Variants in TOX observed in about 807,000 individuals in gnomAD.
TOX encodes the protein thymocyte selection associated high mobility group box.
TOX carries 11 observed loss-of-function variants against 53.7 expected under a neutral mutation model. That is an observed-to-expected ratio of 0.20 (90% confidence interval 0.13 to 0.34). The LOEUF is 0.34. Ranked by LOEUF, TOX falls within the 10% of genes least tolerant of loss-of-function variation. The pLI, the probability that TOX is intolerant of heterozygous loss-of-function variation, is 1.00. For synonymous variants in TOX, 225 were observed against 245.3 expected (o/e 0.92, Z 0.77); for missense variants, 570 against 664.6 (o/e 0.86, Z 1.56).
chr8:59,059,837 A>T (rs964420990), intron 1 of TOX, among the ~76,000 whole-genome samples: 15 of 152,156 alleles, frequency 9.9e-5, no homozygotes, highest in African/African-American at 3.6e-4. Context: ...AGTAGTGAAC[A>T]TCTAGAAAAT....
rs7818606 is a variant in TOX at position 58,998,618 on chromosome 8, A to G, written c.103-38610T>C. On this transcript the variant is annotated intron_variant, in intron 1 of 8. Coordinates refer to ENST00000361421, the MANE Select transcript of TOX (RefSeq NM_014729.3). Reference sequence around the variant, plus strand: ...TAATAAATTTATGTAATAAATTTATATAATAATATATTTTATATATATAAT... The same window carrying G: ...TAATAAATTTATGTAATAAATTTATGTAATAATATATTTTATATATATAAT... 1.6e-3 allele frequency among the ~76,000 whole-genome samples: 194 copies of G among 121,238 alleles called. 2 individuals are homozygous for G. Among genetic ancestry groups the G allele is most frequent in the South Asian group, 4.3e-3 (15 of 3,468 alleles). The allele number at this position is 121,238 out of a possible 152,430, so 79.5% of individuals were successfully genotyped here.
intron 6 of TOX, among the ~76,000 whole-genome samples, chr8:58,816,163 C>T (rs959289869): frequency 6.6e-6 from 1 of 152,132 alleles, no homozygotes; most frequent in African/African-American, 2.4e-5. Flanking sequence ...TTTATATTCT[C>T]AAAGAGACTT....
intron 1 of TOX, among the ~76,000 whole-genome samples, chr8:59,038,108 A>G (rs1803504406): frequency 6.6e-6 from 1 of 152,226 alleles, no homozygotes; most frequent in African/African-American, 2.4e-5. Flanking sequence ...CATGAATTTT[A>G]TGTGTATCTA....
chr8:59,019,580 T>C (rs1814082873), intron 1 of TOX, among the ~76,000 whole-genome samples: 1 of 152,194 alleles, frequency 6.6e-6, no homozygotes, highest in African/African-American at 2.4e-5. Context: ...GAAATTTAAT[T>C]TGTGTCTCAA....
intron 1 of TOX, among the ~76,000 whole-genome samples, chr8:59,115,104 T>G (rs915177558): frequency 5.9e-5 from 9 of 152,200 alleles, no homozygotes; most frequent in African/African-American, 1.9e-4. Context: ...GGGTTTGTGT[T>G]TTGGACTTCC....
At chr8:59,082,190 T>C (rs1804421718) in intron 1 of TOX, among the ~76,000 whole-genome samples, 1 of 152,232 alleles carries the variant, frequency 6.6e-6, no homozygotes, top group Non-Finnish European at 1.5e-5. Context: ...TTAGTTTTAA[T>C]TTGGAAAAGG....
chr8:59,079,015 A>T (rs1804348039), intron 1 of TOX, among the ~76,000 whole-genome samples: 1 of 152,202 alleles, frequency 6.6e-6, no homozygotes, highest in South Asian at 2.1e-4. Context: ...GGAAGTTTGC[A>T]CTTAAGAGTG....
chr8:59,075,014 A>G (rs1804266990), intron 1 of TOX, among the ~76,000 whole-genome samples: 1 of 152,216 alleles, frequency 6.6e-6, no homozygotes, highest in African/African-American at 2.4e-5. Context: ...TGACACAACC[A>G]TGAGATGGTA....
At position 59,092,264 on chromosome 8, in the gene TOX, T is replaced by TA. The variant is rs1174716509; in HGVS notation, c.102+26621_102+26622insT. On this transcript the variant is annotated intron_variant, in intron 1 of 8. Transcript: ENST00000361421. ...AAGACTCCATCTCATATATATATAT[T>TA]TTATATATATATATATATTATATAT... 2.7e-4 allele frequency among the ~76,000 whole-genome samples: 14 copies of TA among 51,886 alleles called. 2 individuals are homozygous for TA. Among genetic ancestry groups the TA allele is most frequent in the East Asian group, 2.6e-3 (4 of 1,562 alleles). 34.0% of individuals were successfully genotyped at this position (51,886 alleles called of 152,430 possible).
chr8:58,852,079 T>G (rs1377419070), intron 3 of TOX, among the ~76,000 whole-genome samples: 2 of 151,960 alleles, frequency 1.3e-5, no homozygotes, highest in Non-Finnish European at 2.9e-5. Flanking sequence ...TTTACAGTCT[T>G]TCTACACTAG....
chr8:58,907,091 T>C (rs1456255877), intron 3 of TOX, among the ~76,000 whole-genome samples: 1 of 152,204 alleles, frequency 6.6e-6, no homozygotes, highest in Non-Finnish European at 1.5e-5. Context: ...GATCAGTCGA[T>C]TGATTTCTCT....
Position 58,851,812 on chromosome 8 carries a change from T to C in TOX, c.412-7A>G. 1.1e-5 allele frequency: 2 copies of C among 181,198 alleles called. No individual in the cohort carries two copies. Among genetic ancestry groups the C allele is most frequent in the Middle Eastern group, 1.9e-3 (1 of 526 alleles). 11.2% of individuals were successfully genotyped at this position (181,198 alleles called of 1,614,324 possible). On this transcript the variant is annotated splice_polypyrimidine_tract_variant and splice_region_variant and intron_variant, in intron 3 of 8. Coordinates refer to ENST00000361421, the MANE Select transcript of TOX (RefSeq NM_014729.3). The surrounding 1 kb of genome is among the most constrained non-coding windows in gnomAD (Gnocchi z 4.4). The stretch of plus-strand genomic sequence containing the variant: ...GGTTTCGTATATCTGGCATCTACAA[T>C]AAATAAATAAATAAATAAATAAATA...
At chr8:58,842,366 A>G (rs1234028318) in intron 4 of TOX, among the ~76,000 whole-genome samples, 1 of 152,150 alleles carries the variant, frequency 6.6e-6, no homozygotes, top group Non-Finnish European at 1.5e-5. Flanking sequence ...TCTGTCATAC[A>G]TGTGCTCTTT....
At chr8:59,007,143 A>C (rs1163080616) in intron 1 of TOX, among the ~76,000 whole-genome samples, 1 of 152,162 alleles carries the variant, frequency 6.6e-6, no homozygotes, top group African/African-American at 2.4e-5. Context: ...AGTGCCCACA[A>C]AACAAGCTAT....
intron 1 of TOX, among the ~76,000 whole-genome samples, chr8:59,008,108 T>C (rs1229380611): frequency 6.6e-6 from 1 of 152,254 alleles, no homozygotes; most frequent in African/African-American, 2.4e-5. Context: ...CACTCATCAG[T>C]TTCTTTCATC....
intron 3 of TOX, among the ~76,000 whole-genome samples, chr8:58,913,518 T>G (rs1190576778): frequency 6.6e-6 from 1 of 152,208 alleles, no homozygotes; most frequent in Non-Finnish European, 1.5e-5. Context: ...GATGAATGCT[T>G]GTTTTCCATT....
intron 4 of TOX, among the ~76,000 whole-genome samples, chr8:58,844,953 G>A (rs1191572457): frequency 6.6e-6 from 1 of 151,910 alleles, no homozygotes; most frequent in Non-Finnish European, 1.5e-5. Context: ...ATGTCTTATT[G>A]GTTAATTATA....
intron 3 of TOX, among the ~76,000 whole-genome samples, chr8:58,914,406 G>A (rs1289659176): frequency 6.6e-6 from 1 of 152,168 alleles, no homozygotes; most frequent in African/African-American, 2.4e-5. Flanking sequence ...TTAAGAGAAG[G>A]CCTGAAGAAA....
intron 1 of TOX, among the ~76,000 whole-genome samples, chr8:58,969,662 G>C (rs1812967026): frequency 6.6e-6 from 1 of 152,062 alleles, no homozygotes; most frequent in Non-Finnish European, 1.5e-5. Flanking sequence ...CAGATTTTCA[G>C]TTCCAAAGTG....
Sources: gnomAD v4.1 joint callset for allele counts (sites outside exome capture counted in the v4.1 genomes callset) on GRCh38, gnomAD v4.1.1 for gene constraint, Gnocchi (gnomAD v3.1) non-coding constraint, MANE v1.5 for transcripts, NCBI Gene and HGNC (gene_info 2026-07-23, HGNC 2026-07-21) for gene names.